Variants in KIRREL3 observed in about 807,000 individuals in gnomAD.
KIRREL3 encodes kirre like nephrin family adhesion molecule 3, also known as kin of IRRE-like protein 3.
KIRREL3 carries 36 observed loss-of-function variants against 89.7 expected under a neutral mutation model. The observed-to-expected ratio is 0.40, with a 90% CI of 0.31 to 0.53. The LOEUF is 0.53. KIRREL3 is among the 20% of genes least tolerant of loss of function. KIRREL3 has a pLI of 0.49. For synonymous variants in KIRREL3, 445 were observed against 441.4 expected (o/e 1.01, Z -0.10); for missense variants, 864 against 1,056.6 (o/e 0.82, Z 2.53).
At chr11:126,968,241 A>G (rs682839) in intron 1 of KIRREL3, among the ~76,000 whole-genome samples, 139,507 of 152,212 alleles carry the variant, frequency 0.92, 64,105 homozygotes, top group African/African-American at 0.98. Flanking sequence ...TAACAGATAT[A>G]TGTATTCAAG....
rs1369593029 is a variant in KIRREL3 at position 126,744,765 on chromosome 11, G to T, written c.56-181853C>A. ...ATGCTCATGCCAATGTCAATGTTTT[G>T]AATGCTGCCTTCCCTGCTAGAATAT... On this transcript the variant is annotated intron_variant, in intron 1 of 16. Coordinates refer to ENST00000525144, the MANE Select transcript of KIRREL3 (RefSeq NM_032531.4). The surrounding 1 kb of genome is among the most constrained non-coding windows in gnomAD (Gnocchi z 4.7). Among the ~76,000 whole-genome samples the T allele has an allele frequency of 1.3e-5, 2 of 151,938 alleles. No homozygotes were observed. Among genetic ancestry groups the T allele is most frequent in the African/African-American group, 4.8e-5 (2 of 41,352 alleles).
chr11:126,836,083 T>C (rs1370448377), intron 1 of KIRREL3, among the ~76,000 whole-genome samples: 1 of 152,238 alleles, frequency 6.6e-6, no homozygotes, highest in African/African-American at 2.4e-5. Flanking sequence ...CTTCTCCAGA[T>C]GCTTTCCTGT....
intron 5 of KIRREL3, among the ~76,000 whole-genome samples, chr11:126,465,029 T>C (rs1398215169): frequency 6.6e-6 from 1 of 152,104 alleles, no homozygotes; most frequent in South Asian, 2.1e-4. Context: ...CCCCATCACT[T>C]TGGGGCGCAC....
At chr11:126,871,594 C>G (rs1232846490) in intron 1 of KIRREL3, among the ~76,000 whole-genome samples, 1 of 152,166 alleles carries the variant, frequency 6.6e-6, no homozygotes, top group Non-Finnish European at 1.5e-5. Flanking sequence ...CCTTGTAGAT[C>G]TACTATGAGA....
At chr11:126,821,397 G>T (rs543311274) in intron 1 of KIRREL3, among the ~76,000 whole-genome samples, 67 of 142,280 alleles carry the variant, frequency 4.7e-4, no homozygotes, top group African/African-American at 1.8e-3. Flanking sequence ...GGCTTACCTG[G>T]CCATTTTTGG....
At chr11:126,790,872 T>C (rs761639674) in intron 1 of KIRREL3, among the ~76,000 whole-genome samples, 2 of 152,168 alleles carry the variant, frequency 1.3e-5, no homozygotes, top group Non-Finnish European at 2.9e-5. Context: ...CTCCTGTTCC[T>C]GATCCCAGGG....
chr11:126,727,204 G>C (rs1196451666), intron 1 of KIRREL3, among the ~76,000 whole-genome samples: 1 of 152,258 alleles, frequency 6.6e-6, no homozygotes, highest in African/African-American at 2.4e-5. Flanking sequence ...TGTGGCTCCA[G>C]AAGAGGCAGC....
At position 126,490,198 on chromosome 11, in the gene KIRREL3, C is replaced by T. The variant is rs1481839399; in HGVS notation, c.434-16732G>A. On this transcript the variant is annotated intron_variant, in intron 4 of 16. Coordinates refer to ENST00000525144, the MANE Select transcript of KIRREL3 (RefSeq NM_032531.4). The surrounding 1 kb of genome is among the most constrained non-coding windows in gnomAD (Gnocchi z 4.2). ...ATTATTTGCATTTGGCTTTGGAATG[C>T]ATTGTGTGTGTGTGTGTGTGTGTGT... Among the ~76,000 whole-genome samples, 1 of 72,078 alleles carries T rather than the reference C, an allele frequency of 1.4e-5. No individual in the cohort carries two copies. Among genetic ancestry groups the T allele is most frequent in the Non-Finnish European group, 2.7e-5 (1 of 37,476 alleles). The allele number at this position is 72,078 out of a possible 152,430, so 47.3% of individuals were successfully genotyped here. A position where few individuals can be genotyped will look rare whatever the true frequency, so the allele number is the denominator to read the frequency against.
chr11:126,981,556 G>A lies in KIRREL3; in HGVS notation c.55+18899C>T, dbSNP rs646236. 0.13 allele frequency among the ~76,000 whole-genome samples: 19,689 copies of A among 152,246 alleles called. 1,497 individuals carry two copies. The highest frequency in any genetic ancestry group is 0.21 in the Middle Eastern group (62 of 294). ...GAAATGAGATCTGCCTCTACCACCC[G>A]ACTCTATGAAGCAAAGGCAAGGAGG... On this transcript the variant is annotated intron_variant, in intron 1 of 16. Transcript: ENST00000525144. The surrounding 1 kb of genome is among the most constrained non-coding windows in gnomAD (Gnocchi z 4.2).
Position 126,706,670 on chromosome 11 carries a change from G to A in KIRREL3, c.56-143758C>T, listed in dbSNP as rs545757205. 1.1e-3 allele frequency among the ~76,000 whole-genome samples: 161 copies of A among 152,270 alleles called. 2 individuals carry two copies. In the South Asian group the frequency reaches 0.024, roughly 23 times the overall value. ...GCTCAAACCTTTCATCTTCGGTTGT[G>A]TAATAAATTTTTAAAAATCATTTAT... On this transcript the variant is annotated intron_variant, in intron 1 of 16. Transcript: ENST00000525144.
intron 1 of KIRREL3, among the ~76,000 whole-genome samples, chr11:126,661,153 A>G (rs982361612): frequency 6.6e-6 from 1 of 152,234 alleles, no homozygotes; most frequent in Non-Finnish European, 1.5e-5. Context: ...CTTCTGGGTA[A>G]CCATGTTTTG....
rs967255076 is a variant in KIRREL3 at position 126,738,898 on chromosome 11, A to T, written c.56-175986T>A. On this transcript the variant is annotated intron_variant, in intron 1 of 16. Transcript: ENST00000525144. ...ATCCTCACAGGCAGAGGAGTCTCTT[A>T]TTCTTCCACACAGGGTCCTAAACAA... is the stretch of plus-strand genomic sequence containing the variant. Among the ~76,000 whole-genome samples, 4 of 152,338 alleles carry T rather than the reference A, an allele frequency of 2.6e-5. 1 individual carries two copies. In the South Asian group the frequency reaches 8.3e-4, roughly 32 times the overall value.
rs1477750628 is a variant in KIRREL3 at position 126,791,015 on chromosome 11, CGAT to C, written c.55+209437_55+209439del. On this transcript the variant is annotated intron_variant, in intron 1 of 16. Transcript: ENST00000525144. The surrounding 1 kb of genome is among the most constrained non-coding windows in gnomAD (Gnocchi z 4.8). ...AAACTGGGTGGTGTGGAGGATTTGT[CGAT>C]GAGAATGCAAATGAGCATGATGTCA... Among the ~76,000 whole-genome samples the C allele has an allele frequency of 6.6e-6, 1 of 152,004 alleles. No homozygotes were observed. The highest frequency in any genetic ancestry group is 2.4e-5 in the African/African-American group (1 of 41,374).
intron 11 of KIRREL3, among the ~76,000 whole-genome samples, chr11:126,438,138 G>GC (rs761706067): frequency 6.6e-6 from 1 of 152,238 alleles, no homozygotes; most frequent in Non-Finnish European, 1.5e-5. Context: ...CCACACAAAT[G>GC]CCCCCCGGGA....
rs548722549 is a variant in KIRREL3, at chr11:126,574,281, C to T, written c.56-11369G>A. ...TGGCAGGGCTAGGATTTGACCACAA[C>T]GCTTGGGGTAAAACCAAACTCCCCC... On this transcript the variant is annotated intron_variant, in intron 1 of 16. Transcript: ENST00000525144. This position sits in a 1 kb window ranked among gnomAD's most constrained non-coding sequence, Gnocchi z 5.3. Among the ~76,000 whole-genome samples, 6 of 152,298 alleles carry T rather than the reference C, an allele frequency of 3.9e-5. No individual in the cohort carries two copies. Among genetic ancestry groups the T allele is most frequent in the Admixed American group, 6.5e-5 (1 of 15,304 alleles).
At chr11:126,438,840 T>C (rs1470052307) in intron 11 of KIRREL3, among the ~76,000 whole-genome samples, 1 of 152,194 alleles carries the variant, frequency 6.6e-6, no homozygotes, top group African/African-American at 2.4e-5. Context: ...ACAGTTTCAG[T>C]TGGTGCAGCC....
intron 1 of KIRREL3, among the ~76,000 whole-genome samples, chr11:126,988,097 T>C (rs1591431778): frequency 6.6e-6 from 1 of 152,242 alleles, no homozygotes; most frequent in East Asian, 1.9e-4. Flanking sequence ...GAAAGTCTTT[T>C]TATGTAGAGT....
At position 126,938,178 on chromosome 11, in the gene KIRREL3, T is replaced by C. The variant is rs563783814; in HGVS notation, c.55+62277A>G. On this transcript the variant is annotated intron_variant, in intron 1 of 16. Coordinates refer to ENST00000525144, the MANE Select transcript of KIRREL3 (RefSeq NM_032531.4). The stretch of plus-strand genomic sequence containing the variant: ...GGAATTATTAGTCACACTTCACAGA[T>C]GCAAAAAGTTGTAAGTCTTTGAAAA... Among the ~76,000 whole-genome samples, 119 of 152,366 alleles carry C rather than the reference T, an allele frequency of 7.8e-4. 1 individual carries two copies. The highest frequency in any genetic ancestry group is 3.5e-4 in the Non-Finnish European group (24 of 68,036).
rs899989667 is a variant in KIRREL3 at position 126,906,607 on chromosome 11, C to T, written c.55+93848G>A. 3.4e-5 allele frequency among the ~76,000 whole-genome samples: 4 copies of T among 117,212 alleles called. No individual in the cohort carries two copies. Among genetic ancestry groups the T allele is most frequent in the Admixed American group, 2.6e-4 (3 of 11,522 alleles). The allele number at this position is 117,212 out of a possible 152,430, so 76.9% of individuals were successfully genotyped here. A position where few individuals can be genotyped will look rare whatever the true frequency, so the allele number is the denominator to read the frequency against. ...TGTTTTTGTTTTTGCTTCAGATCTC[C>T]TTTCCTTTCACTGTTTTTTTTAGCA... On this transcript the variant is annotated intron_variant, in intron 1 of 16. Transcript: ENST00000525144. The surrounding 1 kb of genome is among the most constrained non-coding windows in gnomAD (Gnocchi z 4.1).
Sources: allele counts gnomAD v4.1 joint callset (sites outside exome capture counted in the v4.1 genomes callset), GRCh38; gene constraint gnomAD v4.1.1; non-coding constraint Gnocchi (gnomAD v3.1); transcripts MANE v1.5; gene names NCBI Gene and HGNC (gene_info 2026-07-23, HGNC 2026-07-21).